ADM: variants seen among roughly 807,000 people sequenced by gnomAD.
The protein encoded by ADM is pro-adrenomedullin.
Under a neutral mutation model 9.0 loss-of-function variants are expected in ADM, and 4 were observed. The ratio of observed to expected loss-of-function variants is 0.44; its 90% CI spans 0.22 to 1.02. The LOEUF (loss-of-function observed/expected upper bound fraction) is 1.02, where lower values mean the gene tolerates loss of function less well. Ranked by LOEUF, ADM falls within the 50% of genes least tolerant of loss-of-function variation. The pLI, the probability that ADM is intolerant of heterozygous loss-of-function variation, is 0.24. For missense variants in ADM, 253 were observed against 254.1 expected (o/e 1.00, Z 0.03); for synonymous variants, 107 against 107.2 (o/e 1.00, Z 0.01).
At position 10,306,337 on chromosome 11, in the gene ADM, C is replaced by A; in HGVS notation, c.254C>A (p.Pro85Gln). The A allele has an allele frequency of 1.2e-6, 2 of 1,603,548 alleles. No homozygotes were observed. Among genetic ancestry groups the A allele is most frequent in the Non-Finnish European group, 1.7e-6 (2 of 1,176,604 alleles). ...CCCCCTCCCCCCGCCCGCAGCAGTC[C>A]GGATGCCGCCCGCATCCGAGTCAAG... ...GASRSPEDSS[P>Q]DAARIRVKRY... Residue 85 changes from proline (P) to glutamine (Q), a missense_variant, in exon 4 of 4, where the codon CCG (proline) becomes CAG (glutamine). By Grantham distance (76) the Pro-to-Gln change is moderately conservative. Coordinates refer to ENST00000278175, the MANE Select transcript of ADM (RefSeq NM_001124.3).
rs771306099 is a variant in ADM at position 10,306,616 on chromosome 11, G to A, written c.533G>A (p.Ser178Asn). The stretch of plus-strand genomic sequence containing the variant: ...GCACACGGGGCTCCAGCCCCCCCGA[G>A]TGGAAGTGCTCCCCACTTTCTTTAG... Reference protein sequence around the residue: ...PQAHGAPAPPSGSAPHFL With the variant: ...PQAHGAPAPPNGSAPHFL Residue 178 changes from serine (S) to asparagine (N), a missense_variant, in exon 4 of 4, where the codon AGT becomes AAT. Ser to Asn is a conservative substitution (Grantham distance 46, BLOSUM62 1). Transcript: ENST00000278175. 2.6e-6 allele frequency: 4 copies of A among 1,554,836 alleles called. No individual in the cohort carries two copies. Among genetic ancestry groups the A allele is most frequent in the African/African-American group, 2.8e-5 (2 of 72,294 alleles).
intron 1 of ADM, 47 bp from the exon 2 acceptor site, chr11:10,305,633 G>A: frequency 5.2e-6 from 8 of 1,539,884 alleles, no homozygotes; most frequent in Admixed American, 1.7e-5. Context: ...CCCGGGCGGT[G>A]CAGCTGGCCC....
chr11:10,305,910 C>G, intron 2 of ADM, 39 bp from the exon 3 acceptor site: 1 of 1,612,800 alleles, frequency 6.2e-7, no homozygotes, highest in East Asian at 2.2e-5. Context: ...CTGGGCGTCA[C>G]CTGAACGCAC....
At position 10,305,784 on chromosome 11, in the gene ADM, G is replaced by C. The variant is rs1013703951; in HGVS notation, c.84G>C (p.Ser28=). The C allele has an allele frequency of 9.3e-6, 15 of 1,614,050 alleles. No homozygotes were observed. Among genetic ancestry groups the C allele is most frequent in the Non-Finnish European group, 1.3e-5 (15 of 1,180,034 alleles). Residue 28 remains serine, a synonymous_variant, in exon 2 of 4, where the codon TCG becomes TCC. Transcript: ENST00000278175. ...GADTARLDVA[S]EFRKKWNKWA... ...ACACCGCTCGGTTGGATGTCGCGTC[G>C]GAGTTTCGAAAGAAGTGAGTCCGGG... is the stretch of plus-strand genomic sequence containing the variant.
rs1208999411 is a variant in ADM at position 10,305,495 on chromosome 11, C to G, written c.-21-185C>G. ...GGTGCAGCGGCCTCCCCTGCGGGGC[C>G]TGTCACCCGGCCGGCGCGTGCAAAC... On this transcript the variant is annotated intron_variant, in intron 1 of 3. Coordinates refer to ENST00000278175, the MANE Select transcript of ADM (RefSeq NM_001124.3). The G allele has an allele frequency of 5.1e-6, 3 of 584,576 alleles. No individual in the cohort carries two copies. In the African/African-American group the frequency reaches 5.6e-5, roughly 11 times the overall value. The allele number at this position is 584,576 out of a possible 1,614,324, so 36.2% of individuals were successfully genotyped here.
intron 1 of ADM, 111 bp from the exon 2 acceptor site, chr11:10,305,569 A>T: frequency 1.2e-6 from 1 of 853,036 alleles, no homozygotes; most frequent in Non-Finnish European, 1.8e-6. Context: ...TGAGCCAGGG[A>T]AAGCGCGGGC....
At chr11:10,306,311 T>TGGGCCG in intron 3 of ADM, 21 bp from the exon 4 acceptor site, 1 of 1,543,784 alleles carries the variant, frequency 6.5e-7, no homozygotes, top group Non-Finnish European at 8.9e-7. Flanking sequence ...TTGCCTTTCT[T>TGGGCCG]CCCCCTCCCC....
rs756424797 is a variant in ADM at position 10,305,742 on chromosome 11, C to A, written c.42C>A (p.Leu14=). ...TCGCCCTGATGTACCTGGGTTCGCT[C>A]GCCTTCCTAGGCGCTGACACCGCTC... ...VSVALMYLGS[L]AFLGADTARL... is the part of the protein sequence containing the mutation. The change falls in exon 2 of 4, where the codon CTC becomes CTA. Residue 14 remains leucine, a synonymous_variant. Transcript: ENST00000278175. 2 of 1,614,166 alleles carry A rather than the reference C, an allele frequency of 1.2e-6. No individual in the cohort carries two copies. Among genetic ancestry groups the A allele is most frequent in the South Asian group, 2.2e-5 (2 of 91,086 alleles).
At chr11:10,306,311 T>TGGGGGGGGGG in intron 3 of ADM, 21 bp from the exon 4 acceptor site, 34 of 1,543,662 alleles carry the variant, frequency 2.2e-5, no homozygotes, top group Non-Finnish European at 2.9e-5. Flanking sequence ...TTGCCTTTCT[T>TGGGGGGGGGG]CCCCCTCCCC....
At position 10,306,068 on chromosome 11, in the gene ADM, T is replaced by A. The variant is rs776359239; in HGVS notation, c.218T>A (p.Met73Lys). The A allele has an allele frequency of 1.2e-6, 2 of 1,613,812 alleles. No individual in the cohort carries two copies. Among genetic ancestry groups the A allele is most frequent in the Admixed American group, 1.7e-5 (1 of 60,012 alleles). Reference sequence around the variant, plus strand: ...CAGACCCTTATTCGGCCCCAGGACATGAAGGGTGCCTCTCGAAGCCCCGAA... The same window carrying A: ...CAGACCCTTATTCGGCCCCAGGACAAGAAGGGTGCCTCTCGAAGCCCCGAA... ...PAQTLIRPQD[M>K]KGASRSPEDS... The change falls in exon 3 of 4, where the codon ATG becomes AAG. Residue 73 changes from methionine to lysine, a missense_variant. Transcript: ENST00000278175.
Position 10,306,644 on chromosome 11 carries a change from T to G in ADM, c.*3T>G. 1 of 1,523,522 alleles carries G rather than the reference T, an allele frequency of 6.6e-7. No individual in the cohort carries two copies. Among genetic ancestry groups the G allele is most frequent in the Non-Finnish European group, 8.8e-7 (1 of 1,138,346 alleles). 94.4% of individuals were successfully genotyped at this position (1,523,522 alleles called of 1,614,324 possible). On this transcript the variant is annotated 3_prime_UTR_variant, in exon 4 of 4. Coordinates refer to ENST00000278175, the MANE Select transcript of ADM (RefSeq NM_001124.3). Reference sequence around the variant, plus strand: ...GAAGTGCTCCCCACTTTCTTTAGGATTTAGGCGCCCATGGTACAAGGAATA... The same window carrying G: ...GAAGTGCTCCCCACTTTCTTTAGGAGTTAGGCGCCCATGGTACAAGGAATA...
chr11:10,305,614 CGTGCCCCGCCCGG>C, intron 1 of ADM, 53 bp from the exon 2 acceptor site: 1 of 1,441,622 alleles, frequency 6.9e-7, no homozygotes, highest in East Asian at 2.3e-5. Context: ...GCCCGCCCTC[CGTGCCCCGCCCGG>C]GCGGTGCAGC....
chr11:10,306,311 TCCCCCTCCC>T lies in ADM; in HGVS notation c.249-17_249-9del. ...TGATGGGGTCTCAAGTTGCCTTTCT[TCCCCCTCCC>T]CCCGCCCGCAGCAGTCCGGATGCCG... On this transcript the variant is annotated splice_polypyrimidine_tract_variant and intron_variant, in intron 3 of 3. Transcript: ENST00000278175. 1 of 1,543,726 alleles carries T rather than the reference TCCCCCTCCC, an allele frequency of 6.5e-7. No homozygotes were observed. Among genetic ancestry groups the T allele is most frequent in the African/African-American group, 1.4e-5 (1 of 72,380 alleles).
chr11:10,305,708 T>C lies in ADM; in HGVS notation c.8T>C (p.Leu3Pro). 1 of 1,613,978 alleles carries C rather than the reference T, an allele frequency of 6.2e-7. No homozygotes were observed. The highest frequency in any genetic ancestry group is 8.5e-7 in the Non-Finnish European group (1 of 1,179,978). The change falls in exon 2 of 4, where the codon CTG becomes CCG. Residue 3 changes from leucine to proline, a missense_variant. Physicochemically the swap from Leu to Pro is moderately conservative, Grantham distance 98. Transcript: ENST00000278175. ...CTGCGCTTCGCAGCCGGGATGAAGC[T>C]GGTTTCCGTCGCCCTGATGTACCTG... is the stretch of plus-strand genomic sequence containing the variant. MK[L>P]VSVALMYLGS...
chr11:10,305,897 GGCCTGGGCGTCACCTGAACGC>G, intron 2 of ADM, 31 bp from the exon 3 acceptor site: 1 of 1,612,548 alleles, frequency 6.2e-7, no homozygotes, highest in Non-Finnish European at 8.5e-7. Flanking sequence ...AGCAGGGACA[GGCCTGGGCGTCACCTGAACGC>G]ACGCGAATCG....
At chr11:10,305,644 G>C in intron 1 of ADM, 36 bp from the exon 2 acceptor site, 1 of 1,575,616 alleles carries the variant, frequency 6.3e-7, no homozygotes, top group South Asian at 1.1e-5. Context: ...CAGCTGGCCC[G>C]GGTGCTCACG....
rs762357404 is a variant in ADM, at chr11:10,305,710, G to C, written c.10G>C (p.Val4Leu). Residue 4 changes from valine to leucine, a missense_variant, in exon 2 of 4, where the codon GTT (valine) becomes CTT (leucine). By Grantham distance (32) the Val-to-Leu change is conservative (BLOSUM62 1). Coordinates refer to ENST00000278175, the MANE Select transcript of ADM (RefSeq NM_001124.3). MKL[V>L]SVALMYLGSL... ...GCGCTTCGCAGCCGGGATGAAGCTGGTTTCCGTCGCCCTGATGTACCTGGG... is the reference window on the plus strand; with the variant it reads ...GCGCTTCGCAGCCGGGATGAAGCTGCTTTCCGTCGCCCTGATGTACCTGGG... 2.5e-5 allele frequency: 41 copies of C among 1,613,878 alleles called. No homozygotes were observed. Among genetic ancestry groups the C allele is most frequent in the Non-Finnish European group, 3.4e-5 (40 of 1,180,008 alleles).
intron 3 of ADM, 21 bp from the exon 4 acceptor site, chr11:10,306,311 T>TGGGGCGGG: frequency 1.9e-6 from 3 of 1,543,762 alleles, no homozygotes; most frequent in African/African-American, 1.4e-5. Flanking sequence ...TTGCCTTTCT[T>TGGGGCGGG]CCCCCTCCCC....
intron 1 of ADM, 180 bp downstream of exon 1, chr11:10,305,409 C>T (rs1964642099): frequency 2.2e-6 from 1 of 453,610 alleles, no homozygotes; most frequent in Non-Finnish European, 4.0e-6. Flanking sequence ...AGACCCAGTC[C>T]CCTCTGCTCC....
Sources: gnomAD v4.1 joint callset for allele counts on GRCh38, gnomAD v4.1.1 for gene constraint, MANE v1.5 for transcripts, NCBI Gene and HGNC (gene_info 2026-07-23, HGNC 2026-07-21) for gene names.